FBP1: variants seen among roughly 807,000 people sequenced by gnomAD.
The protein encoded by FBP1 is fructose-bisphosphatase 1.
A neutral mutation model predicts 29.9 loss-of-function variants in FBP1; 22 were observed. That is an observed-to-expected ratio of 0.74 (90% CI 0.53 to 1.05). The LOEUF (loss-of-function observed/expected upper bound fraction) is 1.05, where lower values mean the gene tolerates loss of function less well. Among genes scored for constraint, FBP1 ranks in the 50% least tolerant of loss-of-function variants. FBP1 has a pLI of 0.00. For synonymous variants in FBP1, 175 were observed against 178.6 expected (o/e 0.98, Z 0.16); for missense variants, 345 against 448.2 (o/e 0.77, Z 2.08).
intron 1 of FBP1, among the ~76,000 whole-genome samples, chr9:94,637,523 C>G (rs1234430230): frequency 1.4e-4 from 22 of 151,750 alleles, no homozygotes; most frequent in Non-Finnish European, 1.5e-5. Context: ...CTCAGCCTCC[C>G]GAGTAGCTGG....
chr9:94,634,079 A>C lies in FBP1; in HGVS notation c.170+5062T>G, dbSNP rs1828153964. Among the ~76,000 whole-genome samples, 3 of 150,878 alleles carry C rather than the reference A, an allele frequency of 2.0e-5. No homozygotes were observed. The South Asian group carries it at 6.3e-4, about 32-fold the overall frequency. ...GAGGCCGGGGCGGGCAGATCACCTG[A>C]GGTCAGGAGTTTGAGACCAGCCTGA... On this transcript the variant is annotated intron_variant, in intron 1 of 6. Transcript: ENST00000375326.
chr9:94,621,678 T>A (rs1384741164), intron 1 of FBP1, among the ~76,000 whole-genome samples: 1 of 152,184 alleles, frequency 6.6e-6, no homozygotes, highest in Non-Finnish European at 1.5e-5. Flanking sequence ...TTTATTGCAG[T>A]ATGTGTCTCA....
rs1413245450 is a variant in FBP1 at position 94,625,614 on chromosome 9, T to C, written c.171-5123A>G. On this transcript the variant is annotated intron_variant, in intron 1 of 6. Transcript: ENST00000375326. ...ATCGAGACCATCCTGGCTAACACAG[T>C]GAAACCCCGTCTCTACTAAAAATAC... Among the ~76,000 whole-genome samples the C allele has an allele frequency of 4.6e-5, 7 of 152,052 alleles. No homozygotes were observed. The East Asian group carries it at 1.4e-3, about 29-fold the overall frequency.
chr9:94,639,544 G>A, upstream of FBP1: 1 of 606,522 alleles, frequency 1.6e-6, no homozygotes, highest in South Asian at 2.0e-5. Flanking sequence ...GTGAATCGCG[G>A]AAACCTTTAG....
chr9:94,625,829 A>T (rs1246689540), intron 1 of FBP1, among the ~76,000 whole-genome samples: 11 of 151,172 alleles, frequency 7.3e-5, no homozygotes, highest in Non-Finnish European at 1.3e-4. Context: ...GCGTCCACCA[A>T]ACCACGCAGG....
chr9:94,626,419 T>A (rs548434546), intron 1 of FBP1, among the ~76,000 whole-genome samples: 1 of 152,216 alleles, frequency 6.6e-6, no homozygotes, highest in South Asian at 2.1e-4. Flanking sequence ...GTCCCTCATG[T>A]CTCCAGGTCT....
chr9:94,634,427 G>A (rs1429672859), intron 1 of FBP1, among the ~76,000 whole-genome samples: 3 of 152,156 alleles, frequency 2.0e-5, no homozygotes, highest in African/African-American at 7.2e-5. Context: ...CATGGTGGAT[G>A]TTCAGTAATA....
intron 1 of FBP1, among the ~76,000 whole-genome samples, chr9:94,629,366 C>A (rs1467913747): frequency 6.6e-6 from 1 of 152,146 alleles, no homozygotes; most frequent in Non-Finnish European, 1.5e-5. Flanking sequence ...ATTGAATAGG[C>A]ACAGCTGTTG....
chr9:94,626,463 C>T (rs762044989), intron 1 of FBP1, among the ~76,000 whole-genome samples: 14 of 152,188 alleles, frequency 9.2e-5, no homozygotes, highest in Non-Finnish European at 1.8e-4. Flanking sequence ...CTGGCCACAC[C>T]GTGCTGGTCC....
chr9:94,625,976 C>T (rs1828020797), intron 1 of FBP1, among the ~76,000 whole-genome samples: 2 of 152,218 alleles, frequency 1.3e-5, no homozygotes, highest in Admixed American at 6.5e-5. Flanking sequence ...GGGCTGCCTG[C>T]GTCCACCAAA....
intron 3 of FBP1, among the ~76,000 whole-genome samples, chr9:94,614,063 A>C (rs1471159709): frequency 6.6e-6 from 1 of 151,136 alleles, no homozygotes; most frequent in Non-Finnish European, 1.5e-5. Flanking sequence ...CCTGGGCGAC[A>C]CAGGAGACTC....
chr9:94,628,983 T>C (rs1828064364), intron 1 of FBP1, among the ~76,000 whole-genome samples: 2 of 152,220 alleles, frequency 1.3e-5, no homozygotes, highest in African/African-American at 4.8e-5. Flanking sequence ...TTTTTGTTGT[T>C]GTTTTTTGTT....
chr9:94,603,984 G>T lies in FBP1; in HGVS notation c.826-412C>A, dbSNP rs575827964. ...TAAAAAAAATCCATGGTGGTGTCTG[G>T]CTACAGACATCTGGAAAGCAGACCG... On this transcript the variant is annotated intron_variant, in intron 6 of 6. Transcript: ENST00000375326. 1.1e-3 allele frequency: 344 copies of T among 315,220 alleles called. 1 individual carries two copies. The highest frequency in any genetic ancestry group is 7.1e-3 in the African/African-American group (330 of 46,468). The allele number at this position is 315,220 out of a possible 1,614,324, so 19.5% of individuals were successfully genotyped here.
At chr9:94,631,480 C>A (rs1828103227) in intron 1 of FBP1, among the ~76,000 whole-genome samples, 1 of 152,208 alleles carries the variant, frequency 6.6e-6, no homozygotes, top group South Asian at 2.1e-4. Context: ...ATTTCACAGC[C>A]ATGGACTTTG....
chr9:94,630,169 C>T (rs1397124527), intron 1 of FBP1, among the ~76,000 whole-genome samples: 1 of 152,134 alleles, frequency 6.6e-6, no homozygotes, highest in African/African-American at 2.4e-5. Flanking sequence ...ATCCTTAGCA[C>T]CTAGAACAAT....
chr9:94,625,893 C>T (rs537869600), intron 1 of FBP1, among the ~76,000 whole-genome samples: 1 of 152,056 alleles, frequency 6.6e-6, no homozygotes, highest in African/African-American at 2.4e-5. Context: ...TCACGCAGGA[C>T]CCTCAGCACC....
At chr9:94,618,540 G>A (rs1363120465) in intron 2 of FBP1, among the ~76,000 whole-genome samples, 2 of 151,106 alleles carry the variant, frequency 1.3e-5, no homozygotes, top group Admixed American at 1.3e-4. Flanking sequence ...AGCTACTCAG[G>A]AGGCTGAGAC....
chr9:94,613,248 T>A (rs1827811438), intron 3 of FBP1, among the ~76,000 whole-genome samples: 3 of 152,038 alleles, frequency 2.0e-5, no homozygotes, highest in African/African-American at 7.3e-5. Context: ...CTCAGATCCC[T>A]CTCCTGTGAA....
At chr9:94,628,120 C>T (rs1251191306) in intron 1 of FBP1, among the ~76,000 whole-genome samples, 1 of 152,242 alleles carries the variant, frequency 6.6e-6, no homozygotes, top group East Asian at 1.9e-4. Flanking sequence ...GACACAGTGG[C>T]TCATGCCTGT....
Sources: allele counts gnomAD v4.1 joint callset (sites outside exome capture counted in the v4.1 genomes callset), GRCh38; gene constraint gnomAD v4.1.1; transcripts MANE v1.5; gene names NCBI Gene and HGNC (gene_info 2026-07-23, HGNC 2026-07-21).